The following ACO2 variants were observed in gnomAD, a reference collection of about 807,000 sequenced individuals.
ACO2 encodes aconitate hydratase, mitochondrial.
ACO2 carries 31 observed loss-of-function variants against 84.5 expected under a neutral mutation model. That is an observed-to-expected ratio of 0.37 (90% CI 0.28 to 0.50). ACO2 has a LOEUF of 0.50. Among genes scored for constraint, ACO2 ranks in the 20% least tolerant of loss-of-function variants. The pLI is 0.97. For synonymous variants in ACO2, 414 were observed against 412.7 expected, an observed-to-expected ratio of 1.00 and a Z score of -0.04; for missense variants, 685 against 1,029.3, an observed-to-expected ratio of 0.67 and a Z score of 4.58.
chr22:41,488,290 C>T (rs1221246122), intron 1 of ACO2, among the ~76,000 whole-genome samples: 1 of 152,174 alleles, frequency 6.6e-6, no homozygotes, highest in Non-Finnish European at 1.5e-5. Flanking sequence ...TGAGCCCTGG[C>T]TTTACCCTAC....
chr22:41,499,596 C>A, intron 1 of ACO2, 130 bp from the exon 2 acceptor site: 1 of 987,124 alleles, frequency 1.0e-6, no homozygotes, highest in Non-Finnish European at 1.5e-6. Context: ...GATGAGGAAG[C>A]TGAGGCTGCA....
intron 9 of ACO2, among the ~76,000 whole-genome samples, chr22:41,520,948 C>T (rs2066520096): frequency 7.0e-6 from 1 of 142,280 alleles, no homozygotes; most frequent in South Asian, 2.2e-4. Flanking sequence ...GTCAAGGCTA[C>T]AGTGAGCCGA....
At chr22:41,516,143 G>A (rs910295295) in intron 6 of ACO2, 18 of 660,334 alleles carry the variant, frequency 2.7e-5, no homozygotes, top group African/African-American at 1.1e-4. Context: ...CGAGGCTGCC[G>A]GTGACTTCCT....
Position 41,469,142 on chromosome 22 carries a change from A to G in ACO2, c.-5A>G. On this transcript the variant is annotated 5_prime_UTR_variant, in exon 1 of 18. Transcript: ENST00000216254. The stretch of plus-strand genomic sequence containing the variant: ...AATGCGACCTCATCTTTGTCAGTGC[A>G]CAAAATGGCGCCCTACAGCCTACTG... 2 of 1,609,112 alleles carry G rather than the reference A, an allele frequency of 1.2e-6. No individual in the cohort carries two copies. Among genetic ancestry groups the G allele is most frequent in the South Asian group, 1.1e-5 (1 of 90,548 alleles).
chr22:41,528,311 GGTGCCACCTGGGTCTGACCT>G, intron 17 of ACO2, 148 bp from the exon 18 acceptor site: 1 of 1,020,972 alleles, frequency 9.8e-7, no homozygotes, highest in South Asian at 1.7e-5. Context: ...ATCCCCTGTA[GGTGCCACCTGGGTCTGACCT>G]GGGCCATCAG....
At chr22:41,496,351 C>G (rs932986366) in intron 1 of ACO2, among the ~76,000 whole-genome samples, 1 of 152,040 alleles carries the variant, frequency 6.6e-6, no homozygotes, top group African/African-American at 2.4e-5. Context: ...TGCAGAACAA[C>G]TTGTATGGTT....
chr22:41,505,619 CCT>C (rs2066387677), intron 2 of ACO2, among the ~76,000 whole-genome samples: 1 of 152,018 alleles, frequency 6.6e-6, no homozygotes, highest in Non-Finnish European at 1.5e-5. Flanking sequence ...CTACTCTGTC[CCT>C]CTGTGCTGCA....
At chr22:41,509,148 C>T (rs1030067223) in intron 3 of ACO2, among the ~76,000 whole-genome samples, 9 of 152,126 alleles carry the variant, frequency 5.9e-5, no homozygotes, top group East Asian at 1.9e-4. Flanking sequence ...TGCACATGGC[C>T]GGGAACGTGG....
chr22:41,494,804 G>A (rs2066301473), intron 1 of ACO2, among the ~76,000 whole-genome samples: 1 of 151,804 alleles, frequency 6.6e-6, no homozygotes, highest in Admixed American at 6.6e-5. Context: ...CGGGATCTCG[G>A]CTCACTGCAA....
At chr22:41,500,636 C>A (rs757728177) in intron 2 of ACO2, among the ~76,000 whole-genome samples, 13 of 151,990 alleles carry the variant, frequency 8.6e-5, no homozygotes, top group Non-Finnish European at 1.3e-4. Context: ...CAGCTTGCCT[C>A]GGCTTCCCAA....
intron 1 of ACO2, among the ~76,000 whole-genome samples, chr22:41,470,999 C>T (rs539582578): frequency 2.6e-5 from 4 of 152,230 alleles, no homozygotes; most frequent in African/African-American, 7.2e-5. Flanking sequence ...CATTTTGAAC[C>T]GAAAAGGATC....
intron 1 of ACO2, among the ~76,000 whole-genome samples, chr22:41,499,128 CT>C (rs2066336041): frequency 6.6e-6 from 1 of 151,936 alleles, no homozygotes; most frequent in Admixed American, 6.6e-5. Context: ...TAGGCACCAC[CT>C]TTTGAAGGGA....
intron 1 of ACO2, among the ~76,000 whole-genome samples, chr22:41,479,188 C>T (rs184727808): frequency 1.5e-4 from 23 of 152,266 alleles, no homozygotes; most frequent in African/African-American, 5.1e-4. Flanking sequence ...AGTACAGCCT[C>T]AGCCACCCGT....
At chr22:41,480,047 G>A (rs956650877) in intron 1 of ACO2, among the ~76,000 whole-genome samples, 1 of 152,222 alleles carries the variant, frequency 6.6e-6, no homozygotes, top group Admixed American at 6.5e-5. Context: ...CAAGCTAGCT[G>A]ACTGCCTGCT....
chr22:41,498,697 A>T (rs1227706560), intron 1 of ACO2, among the ~76,000 whole-genome samples: 1 of 152,220 alleles, frequency 6.6e-6, no homozygotes, highest in Non-Finnish European at 1.5e-5. Flanking sequence ...CAAGAGAGAG[A>T]GCAAGCCAGG....
intron 1 of ACO2, among the ~76,000 whole-genome samples, chr22:41,489,794 T>G (rs1480024553): frequency 6.6e-6 from 1 of 152,082 alleles, no homozygotes; most frequent in Non-Finnish European, 1.5e-5. Flanking sequence ...ATCCTGCTAT[T>G]GTAAAGGTAC....
At chr22:41,501,589 G>A (rs1359419255) in intron 2 of ACO2, among the ~76,000 whole-genome samples, 1 of 152,186 alleles carries the variant, frequency 6.6e-6, no homozygotes, top group African/African-American at 2.4e-5. Context: ...CTGTGCCCTT[G>A]CCTGCCTGGT....
Position 41,528,093 on chromosome 22 carries a change from C to T in ACO2, c.2208+71C>T, listed in dbSNP as rs539376253. On this transcript the variant is annotated intron_variant, in intron 17 of 17. Coordinates refer to ENST00000216254, the MANE Select transcript of ACO2 (RefSeq NM_001098.3). ...ACCTTGTTTCCCCTCCTGCACTGGCCCCAGGGTAGCTTCTCCCAGGAGGCT... is the reference window on the plus strand; with the variant it reads ...ACCTTGTTTCCCCTCCTGCACTGGCTCCAGGGTAGCTTCTCCCAGGAGGCT... 4 of 1,598,988 alleles carry T rather than the reference C, an allele frequency of 2.5e-6. No individual in the cohort carries two copies. In the South Asian group the frequency reaches 3.3e-5, roughly 13 times the overall value.
rs1039657082 is a variant in ACO2, at chr22:41,524,011, CAGA to C, written c.1482+73_1482+75del. The C allele has an allele frequency of 4.3e-6, 6 of 1,382,718 alleles. No individual in the cohort carries two copies. In the African/African-American group the frequency reaches 7.1e-5, roughly 16 times the overall value. 85.7% of individuals were successfully genotyped at this position (1,382,718 alleles called of 1,614,324 possible). A position where few individuals can be genotyped will look rare whatever the true frequency, so the allele number is the denominator to read the frequency against. On this transcript the variant is annotated intron_variant, in intron 12 of 17. Coordinates refer to ENST00000216254, the MANE Select transcript of ACO2 (RefSeq NM_001098.3). ...GTCCCTGGCGGGTCAGAGGAGGAGG[CAGA>C]AGGAGATGGGGACTGGGGTCATCCA...
Sources: allele counts gnomAD v4.1 joint callset (sites outside exome capture counted in the v4.1 genomes callset), GRCh38; gene constraint gnomAD v4.1.1; transcripts MANE v1.5; gene names NCBI Gene and HGNC (gene_info 2026-07-23, HGNC 2026-07-21).